Variants in PALLD observed in about 807,000 individuals in gnomAD.
The protein encoded by PALLD is palladin.
A neutral mutation model predicts 123.5 loss-of-function variants in PALLD; 61 were observed. The ratio of observed to expected loss-of-function variants is 0.49; its 90% CI spans 0.40 to 0.61. The LOEUF (loss-of-function observed/expected upper bound fraction) is 0.61, where lower values mean the gene tolerates loss of function less well. PALLD is among the 20% of genes least tolerant of loss of function. PALLD has a pLI of 0.00. For synonymous variants in PALLD, 465 were observed against 496.4 expected (o/e 0.94, Z 0.84); for missense variants, 1,273 against 1,377.0 (o/e 0.92, Z 1.20).
At chr4:168,533,883 G>T (rs1336552851) in intron 2 of PALLD, among the ~76,000 whole-genome samples, 1 of 152,180 alleles carries the variant, frequency 6.6e-6, no homozygotes, top group Non-Finnish European at 1.5e-5. Context: ...AAAGGAGAAG[G>T]ATTTGCCACA....
intron 2 of PALLD, among the ~76,000 whole-genome samples, chr4:168,558,148 C>G (rs193171244): frequency 2.6e-5 from 4 of 152,318 alleles, no homozygotes; most frequent in East Asian, 3.9e-4. Context: ...ACCTCTCACC[C>G]CTACGGGCTA....
chr4:168,503,748 T>C (rs1334038885), intron 1 of PALLD, among the ~76,000 whole-genome samples: 1 of 151,968 alleles, frequency 6.6e-6, no homozygotes, highest in Non-Finnish European at 1.5e-5. Context: ...TCTGAATTGT[T>C]TGAGGAATGG....
chr4:168,809,577 G>A (rs1293848150), intron 10 of PALLD, among the ~76,000 whole-genome samples: 15 of 152,116 alleles, frequency 9.9e-5, no homozygotes, highest in East Asian at 1.9e-4. Flanking sequence ...AGAACCAGAC[G>A]TGGGGCTGGG....
chr4:168,874,770 G>A (rs985636970), intron 10 of PALLD, among the ~76,000 whole-genome samples: 2 of 152,128 alleles, frequency 1.3e-5, no homozygotes, highest in African/African-American at 4.8e-5. Flanking sequence ...TTGCTCTGTG[G>A]CCTTGAGTGT....
intron 10 of PALLD, among the ~76,000 whole-genome samples, chr4:168,740,918 A>G (rs1309454856): frequency 6.6e-6 from 1 of 152,238 alleles, no homozygotes; most frequent in African/African-American, 2.4e-5. Flanking sequence ...ATGTTCTGTG[A>G]CATCTGTTTT....
chr4:168,892,005 A>G (rs1754219191), intron 11 of PALLD, among the ~76,000 whole-genome samples: 2 of 152,142 alleles, frequency 1.3e-5, no homozygotes, highest in Non-Finnish European at 2.9e-5. Context: ...AAAAATAATT[A>G]TTTTACAGCT....
intron 2 of PALLD, among the ~76,000 whole-genome samples, chr4:168,525,085 G>A (rs1763919332): frequency 1.3e-5 from 2 of 152,106 alleles, no homozygotes; most frequent in South Asian, 4.1e-4. Context: ...TTAAGAATGT[G>A]TTGGCATATG....
intron 10 of PALLD, among the ~76,000 whole-genome samples, chr4:168,759,305 A>G (rs993539799): frequency 6.9e-6 from 1 of 145,262 alleles, no homozygotes; most frequent in African/African-American, 2.6e-5. Context: ...CCACTTTTCC[A>G]GTTCAATCAT....
chr4:168,747,806 G>A (rs1730523327), intron 10 of PALLD, among the ~76,000 whole-genome samples: 1 of 152,202 alleles, frequency 6.6e-6, no homozygotes, highest in Non-Finnish European at 1.5e-5. Context: ...CTGAGATACT[G>A]TAAATATCTT....
At chr4:168,566,538 T>A (rs1222098005) in intron 2 of PALLD, among the ~76,000 whole-genome samples, 1 of 152,026 alleles carries the variant, frequency 6.6e-6, no homozygotes, top group African/African-American at 2.4e-5. Flanking sequence ...TCCTATGAGT[T>A]CCTCCTACCC....
At chr4:168,580,239 GGTGT>G (rs59142111) in intron 2 of PALLD, among the ~76,000 whole-genome samples, 6,556 of 147,320 alleles carry the variant, frequency 0.045, 161 homozygotes, top group East Asian at 0.099. Flanking sequence ...ATTTCACTGT[GGTGT>G]GTGTGTGTGT....
intron 10 of PALLD, among the ~76,000 whole-genome samples, chr4:168,805,699 A>C (rs1253232170): frequency 6.6e-6 from 1 of 152,188 alleles, no homozygotes; most frequent in East Asian, 1.9e-4. Context: ...CCCCTGTTAC[A>C]GAGGTAATTG....
chr4:168,850,853 G>T (rs1747673970), intron 10 of PALLD, among the ~76,000 whole-genome samples: 1 of 152,016 alleles, frequency 6.6e-6, no homozygotes, highest in Non-Finnish European at 1.5e-5. Context: ...TTTCTAATAT[G>T]CTCTCCTAGT....
chr4:168,636,828 A>G (rs1776392443), intron 2 of PALLD, among the ~76,000 whole-genome samples: 1 of 152,160 alleles, frequency 6.6e-6, no homozygotes, highest in African/African-American at 2.4e-5. Context: ...TGAGAAAGAA[A>G]CGAGGAGCTA....
At chr4:168,527,120 C>T (rs546448280) in intron 2 of PALLD, among the ~76,000 whole-genome samples, 7 of 152,210 alleles carry the variant, frequency 4.6e-5, no homozygotes, top group African/African-American at 1.7e-4. Flanking sequence ...AACATATACG[C>T]GACAGCAATC....
At chr4:168,898,379 A>C (rs1008763428) in intron 13 of PALLD, 114 bp from the exon 14 acceptor site, 1 of 740,806 alleles carries the variant, frequency 1.3e-6, no homozygotes, top group Non-Finnish European at 2.4e-6. Context: ...CTGTGTTTTT[A>C]AGCTGTATGG....
At chr4:168,887,274 T>C (rs1753505953) in intron 10 of PALLD, among the ~76,000 whole-genome samples, 1 of 152,198 alleles carries the variant, frequency 6.6e-6, no homozygotes, top group African/African-American at 2.4e-5. Context: ...GCAGTTGTTC[T>C]AAGTCCCTTT....
Position 168,517,693 on chromosome 4 carries a change from A to C in PALLD, c.908+5281A>C, listed in dbSNP as rs79847566. 4.1e-3 allele frequency among the ~76,000 whole-genome samples: 620 copies of C among 152,304 alleles called. 2 individuals are homozygous for C. Among genetic ancestry groups the C allele is most frequent in the African/African-American group, 0.014 (586 of 41,566 alleles). ...CTTTTGGCTGATTTGGTTTCGGAAA[A>C]TGTAGCAACAGCACCACTAGCCAAT... On this transcript the variant is annotated intron_variant, in intron 2 of 21. Transcript: ENST00000505667.
At chr4:168,612,325 C>A (rs973039621) in intron 2 of PALLD, among the ~76,000 whole-genome samples, 1 of 151,420 alleles carries the variant, frequency 6.6e-6, no homozygotes, top group Non-Finnish European at 1.5e-5. Context: ...AAATAGGGAA[C>A]TGATATATCA....
Sources: gnomAD v4.1 joint callset for allele counts (sites outside exome capture counted in the v4.1 genomes callset) on GRCh38, gnomAD v4.1.1 for gene constraint, MANE v1.5 for transcripts, NCBI Gene and HGNC (gene_info 2026-07-23, HGNC 2026-07-21) for gene names.